EARS2: variants seen among roughly 807,000 people sequenced by gnomAD.
EARS2 encodes glutamyl-tRNA synthetase 2, mitochondrial, also known as nondiscriminating glutamyl-tRNA synthetase EARS2, mitochondrial.
Under a neutral mutation model 54.1 loss-of-function variants are expected in EARS2, and 50 were observed. The ratio of observed to expected loss-of-function variants is 0.92; its 90% CI spans 0.74 to 1.17. EARS2 has a LOEUF of 1.17. Among genes scored for constraint, EARS2 ranks in the 50% most tolerant of loss-of-function variants. The pLI, the probability that EARS2 is intolerant of heterozygous loss-of-function variation, is 0.00. For missense variants in EARS2, 673 were observed against 675.0 expected, an observed-to-expected ratio of 1.00 and a Z score of 0.03; for synonymous variants, 298 against 281.0, an observed-to-expected ratio of 1.06 and a Z score of -0.61.
intron 7 of EARS2, among the ~76,000 whole-genome samples, chr16:23,527,066 G>A (rs978446577): frequency 6.6e-6 from 1 of 152,112 alleles, no homozygotes; most frequent in Non-Finnish European, 1.5e-5. Context: ...GGGCTCAAAC[G>A]ATCCTCCCAC....
chr16:23,527,135 T>A (rs541837785), intron 7 of EARS2, among the ~76,000 whole-genome samples: 5 of 152,150 alleles, frequency 3.3e-5, no homozygotes, highest in Non-Finnish European at 5.9e-5. Context: ...GCTAATTTTA[T>A]TTTTACCTTT....
intron 2 of EARS2, 28 bp from the exon 3 acceptor site, chr16:23,544,731 A>T (rs747252625): frequency 6.4e-7 from 1 of 1,564,606 alleles, no homozygotes; most frequent in Non-Finnish European, 8.7e-7. Context: ...ATGACAGCTA[A>T]GGTGCACACA....
At chr16:23,553,411 G>A (rs985323530) in intron 1 of EARS2, among the ~76,000 whole-genome samples, 4 of 152,062 alleles carry the variant, frequency 2.6e-5, no homozygotes, top group Non-Finnish European at 4.4e-5. Context: ...TCAATGATGT[G>A]CGCTGGGAAA....
chr16:23,536,675 T>C (rs893685073), intron 3 of EARS2, among the ~76,000 whole-genome samples: 1 of 150,428 alleles, frequency 6.6e-6, no homozygotes, highest in African/African-American at 2.4e-5. Flanking sequence ...AAAAAAACTT[T>C]TTTTTTCTTT....
chr16:23,524,678 A>C (rs1597005084), intron 8 of EARS2, among the ~76,000 whole-genome samples: 5 of 132,576 alleles, frequency 3.8e-5, no homozygotes, highest in Admixed American at 8.3e-5. Flanking sequence ...ATAGAGTCTC[A>C]CTCTATCACC....
intron 7 of EARS2, 94 bp from the exon 8 acceptor site, chr16:23,525,473 C>G: frequency 7.4e-7 from 1 of 1,347,906 alleles, no homozygotes; most frequent in Non-Finnish European, 1.0e-6. Context: ...AGCTACAGTA[C>G]GAGCAGCACA....
At position 23,529,812 on chromosome 16, in the gene EARS2, C is replaced by T. The variant is rs752972586; in HGVS notation, c.1153G>A (p.Gly385Ser). ...ACATCCCTGTTTTGCAGCTGGCAAC[C>T]AAAGGCCTCCTCCACAAGGACCTGC... is the stretch of plus-strand genomic sequence containing the variant. The part of the protein sequence containing the change: ...KLQVLVEEAF[G>S]CQLQNRDVLN... The change falls in exon 6 of 9, where the codon GGT becomes AGT. Residue 385 changes from glycine to serine, a missense_variant. By Grantham distance (56) the Gly-to-Ser change is moderately conservative. Transcript: ENST00000449606. The T allele has an allele frequency of 6.2e-7, 1 of 1,614,154 alleles. No individual in the cohort carries two copies. The highest frequency in any genetic ancestry group is 8.5e-7 in the Non-Finnish European group (1 of 1,180,026).
At chr16:23,543,739 A>AG (rs1375631414) in intron 3 of EARS2, among the ~76,000 whole-genome samples, 4 of 152,050 alleles carry the variant, frequency 2.6e-5, no homozygotes, top group Non-Finnish European at 5.9e-5. Flanking sequence ...TCAAAAAAAA[A>AG]AAAAAAAAGC....
Position 23,529,805 on chromosome 16 carries a change from T to C in EARS2, c.1160A>G (p.Gln387Arg). 6.2e-7 allele frequency: 1 copy of C among 1,614,138 alleles called. No individual in the cohort carries two copies. The highest frequency in any genetic ancestry group is 8.5e-7 in the Non-Finnish European group (1 of 1,180,024). The change falls in exon 6 of 9, where the codon CAG becomes CGG. Residue 387 changes from glutamine to arginine, a missense_variant. Around this residue, in one of 3 missense-constraint regions of EARS2, gnomAD observed 338 missense variants for 361.2 expected, o/e 0.94. Coordinates refer to ENST00000449606, the MANE Select transcript of EARS2 (RefSeq NM_001083614.2). ...GTTGAGGACATCCCTGTTTTGCAGC[T>C]GGCAACCAAAGGCCTCCTCCACAAG... ...QVLVEEAFGC[Q>R]LQNRDVLNPV...
Position 23,529,574 on chromosome 16 carries a change from C to G in EARS2, c.1280G>C (p.Arg427Pro), listed in dbSNP as rs749562081. 9 of 1,614,134 alleles carry G rather than the reference C, an allele frequency of 5.6e-6. No homozygotes were observed. The highest frequency in any genetic ancestry group is 7.6e-6 in the Non-Finnish European group (9 of 1,180,002). ...CAGCTGTGCTCGACCTACTGCAGGG[C>G]GAGTCCACAGGTAAGAGTATACTGG... Reference protein sequence around the residue: ...VSPVYSYLWTRPAVGRAQLDA... With the variant: ...VSPVYSYLWTPPAVGRAQLDA... Residue 427 changes from arginine (R) to proline (P), a missense_variant, in exon 7 of 9, where the codon CGC becomes CCC. Coordinates refer to ENST00000449606, the MANE Select transcript of EARS2 (RefSeq NM_001083614.2).
At position 23,524,227 on chromosome 16, in the gene EARS2, C is replaced by A. The variant is rs1413126673; in HGVS notation, c.*144G>T. 2.7e-6 allele frequency: 2 copies of A among 744,786 alleles called. No homozygotes were observed. The highest frequency in any genetic ancestry group is 4.7e-6 in the Non-Finnish European group (2 of 425,322). The allele number at this position is 744,786 out of a possible 1,614,324, so 46.1% of individuals were successfully genotyped here. ...GTGCCTGTGGTGGATCACAAATGCA[C>A]TTGTGTGCAGTCAGAGATTGTTTCC... On this transcript the variant is annotated 3_prime_UTR_variant, in exon 9 of 9. Transcript: ENST00000449606.
At chr16:23,536,073 C>G (rs528946815) in intron 3 of EARS2, among the ~76,000 whole-genome samples, 6 of 152,278 alleles carry the variant, frequency 3.9e-5, no homozygotes, top group African/African-American at 1.4e-4. Flanking sequence ...TCTGTGGGCC[C>G]CTAGCATCAG....
At chr16:23,537,563 C>G (rs1352350978) in intron 3 of EARS2, 1 of 152,116 alleles carries the variant, frequency 6.6e-6, no homozygotes, top group Non-Finnish European at 1.5e-5. Context: ...AAGAAACATT[C>G]ATTCATTCAT....
Position 23,535,018 on chromosome 16 carries a change from C to G in EARS2, c.828G>C (p.Leu276=). The change falls in exon 4 of 9, where the codon CTG becomes CTC. Residue 276 remains leucine, a synonymous_variant. Coordinates refer to ENST00000449606, the MANE Select transcript of EARS2 (RefSeq NM_001083614.2). ...GCTTGCTGCCATCCCTGTTGAGGAGCAGGGGCAGGTGGGCGAAGTGGGGTG... is the reference window on the plus strand; with the variant it reads ...GCTTGCTGCCATCCCTGTTGAGGAGGAGGGGCAGGTGGGCGAAGTGGGGTG... ...WQPPHFAHLP[L]LLNRDGSKLS... The G allele has an allele frequency of 5.6e-6, 9 of 1,612,440 alleles. No individual in the cohort carries two copies. The highest frequency in any genetic ancestry group is 7.6e-6 in the Non-Finnish European group (9 of 1,179,444).
At chr16:23,526,662 TCAGAAGACCC>T (rs1258998481) in intron 7 of EARS2, among the ~76,000 whole-genome samples, 16 of 151,948 alleles carry the variant, frequency 1.1e-4, no homozygotes, top group Non-Finnish European at 1.2e-4. Context: ...AGAGAAGAAA[TCAGAAGACCC>T]CACCCAGCTC....
chr16:23,554,659 T>C (rs1652359531), intron 1 of EARS2, among the ~76,000 whole-genome samples: 1 of 152,148 alleles, frequency 6.6e-6, no homozygotes, highest in Admixed American at 6.5e-5. Flanking sequence ...AGAAAACCAG[T>C]GGTATTCAGT....
intron 1 of EARS2, among the ~76,000 whole-genome samples, chr16:23,553,850 C>G (rs1186751320): frequency 6.6e-6 from 1 of 150,570 alleles, no homozygotes; most frequent in Non-Finnish European, 1.5e-5. Flanking sequence ...GAGCCGAGAT[C>G]GCACCATTGC....
intron 2 of EARS2, among the ~76,000 whole-genome samples, chr16:23,549,921 C>G (rs1035642756): frequency 6.6e-6 from 1 of 152,208 alleles, no homozygotes; most frequent in Non-Finnish European, 1.5e-5. Context: ...CACCACGGGG[C>G]TGGCTCCTCA....
intron 2 of EARS2, among the ~76,000 whole-genome samples, chr16:23,546,155 T>C (rs1278614763): frequency 1.3e-5 from 2 of 152,198 alleles, no homozygotes; most frequent in African/African-American, 4.8e-5. Flanking sequence ...TTAAATATGA[T>C]CTACTGTAAG....
Sources: allele counts gnomAD v4.1 joint callset (sites outside exome capture counted in the v4.1 genomes callset), GRCh38; gene constraint gnomAD v4.1.1; regional missense constraint gnomAD v4.1.1; transcripts MANE v1.5; gene names NCBI Gene and HGNC (gene_info 2026-07-23, HGNC 2026-07-21).